Variants in UNC13C observed in about 807,000 individuals in gnomAD.
UNC13C encodes unc-13 homolog C.
A neutral mutation model predicts 245.4 loss-of-function variants in UNC13C; 174 were observed. The ratio of observed to expected loss-of-function variants is 0.71; its 90% CI spans 0.63 to 0.80. The LOEUF (loss-of-function observed/expected upper bound fraction) is 0.80. UNC13C is among the 30% of genes least tolerant of loss of function. The pLI, the probability that UNC13C is intolerant of heterozygous loss-of-function variation, is 0.00. For synonymous variants in UNC13C, 992 were observed against 895.1 expected (o/e 1.11, Z -1.93); for missense variants, 2,829 against 2,602.9 (o/e 1.09, Z -1.89).
intron 4 of UNC13C, among the ~76,000 whole-genome samples, chr15:54,191,948 A>G (rs2034198197): frequency 6.6e-6 from 1 of 152,096 alleles, no homozygotes; most frequent in South Asian, 2.1e-4. Flanking sequence ...TCTAGATATT[A>G]GCCCTTTGTC....
chr15:54,361,747 C>T (rs1215295960), intron 17 of UNC13C, among the ~76,000 whole-genome samples: 2 of 152,232 alleles, frequency 1.3e-5, no homozygotes, highest in African/African-American at 2.4e-5. Context: ...TGCTACCCTA[C>T]CTCTCTTTCC....
chr15:54,270,818 C>T (rs1309872058), intron 10 of UNC13C, among the ~76,000 whole-genome samples: 2 of 152,018 alleles, frequency 1.3e-5, no homozygotes, highest in Middle Eastern at 3.2e-3. Context: ...CAAAGTAGTG[C>T]CCTGTTGTGA....
chr15:54,492,739 C>G (rs1893776220), intron 19 of UNC13C, among the ~76,000 whole-genome samples: 1 of 152,124 alleles, frequency 6.6e-6, no homozygotes, highest in Non-Finnish European at 1.5e-5. Flanking sequence ...TAGTTTGCCC[C>G]TTCTCTTACC....
At chr15:54,538,606 C>A (rs1312398252) in intron 26 of UNC13C, among the ~76,000 whole-genome samples, 1 of 151,984 alleles carries the variant, frequency 6.6e-6, no homozygotes, top group African/African-American at 2.4e-5. Flanking sequence ...AATAGCCCAT[C>A]AATGGTAGAC....
intron 1 of UNC13C, among the ~76,000 whole-genome samples, chr15:54,004,068 A>G (rs1483140251): frequency 6.6e-6 from 1 of 152,152 alleles, no homozygotes; most frequent in Admixed American, 6.6e-5. Context: ...CTTACAGACT[A>G]TAGTCGCCGT....
intron 19 of UNC13C, among the ~76,000 whole-genome samples, chr15:54,481,737 G>A (rs1458146993): frequency 1.3e-5 from 2 of 152,078 alleles, no homozygotes; most frequent in Admixed American, 6.5e-5. Context: ...AGAATCCAGA[G>A]GACATGAAAA....
intron 8 of UNC13C, among the ~76,000 whole-genome samples, chr15:54,253,660 A>G (rs980833684): frequency 6.6e-6 from 1 of 152,184 alleles, no homozygotes; most frequent in Non-Finnish European, 1.5e-5. Context: ...GCAGGTTGTG[A>G]CCCTGAATTA....
chr15:54,050,632 T>G, intron 2 of UNC13C: 1 of 452,314 alleles, frequency 2.2e-6, no homozygotes, highest in Non-Finnish European at 4.4e-6. Context: ...TCAGAACTTA[T>G]GAGGACAAAG....
intron 19 of UNC13C, among the ~76,000 whole-genome samples, chr15:54,472,598 T>C (rs1892521611): frequency 6.6e-6 from 1 of 151,904 alleles, no homozygotes; most frequent in Admixed American, 6.6e-5. Flanking sequence ...ATTCTCTTCT[T>C]TTATTTGTCT....
Position 54,623,900 on chromosome 15 carries a change from G to C in UNC13C, c.6305G>C (p.Gly2102Ala), listed in dbSNP as rs1801182131. The C allele has an allele frequency of 1.7e-5, 27 of 1,613,088 alleles. No individual in the cohort carries two copies. The highest frequency in any genetic ancestry group is 2.3e-5 in the Non-Finnish European group (27 of 1,179,468). The change falls in exon 32 of 33, where the codon GGC becomes GCC. Residue 2102 changes from glycine to alanine, a missense_variant. By Grantham distance (60) the Gly-to-Ala change is moderately conservative. Transcript: ENST00000260323. ...PNLGDKKRKQ[G>A]TKTKSNTWSP... ...CTTGGAGACAAGAAGAGAAAACAAG[G>C]CACAAAAACAAAAAGCAACACATGG...
At chr15:53,893,995 G>T in the UNC13C span, among the ~76,000 whole-genome samples, 1 of 152,236 alleles carries the variant, frequency 6.6e-6, no homozygotes, top group Non-Finnish European at 1.5e-5. Flanking sequence ...GAATCTGCTG[G>T]TCTGTGGGTT....
intron 19 of UNC13C, among the ~76,000 whole-genome samples, chr15:54,418,067 C>T (rs1368246873): frequency 6.6e-6 from 1 of 151,968 alleles, no homozygotes; most frequent in African/African-American, 2.4e-5. Flanking sequence ...GTTTTCTAGT[C>T]CCTTCTATAT....
chr15:53,935,775 G>A, the UNC13C span, among the ~76,000 whole-genome samples: 1 of 152,084 alleles, frequency 6.6e-6, no homozygotes. Context: ...ACCCTGCCCA[G>A]GAAGCCACAC....
chr15:54,298,137 C>G (rs143848883), intron 12 of UNC13C, among the ~76,000 whole-genome samples: 35 of 152,140 alleles, frequency 2.3e-4, no homozygotes, highest in Middle Eastern at 3.4e-3. Flanking sequence ...GAGTTTAGAA[C>G]AAGCCTGTGA....
chr15:54,375,979 T>TCACAA (rs923925693), intron 17 of UNC13C, among the ~76,000 whole-genome samples: 10 of 152,350 alleles, frequency 6.6e-5, no homozygotes, highest in African/African-American at 2.2e-4. Flanking sequence ...CTTTTTTTAA[T>TCACAA]CACAATATTT....
chr15:54,548,117 T>C (rs1431175211), intron 27 of UNC13C, among the ~76,000 whole-genome samples: 1 of 151,940 alleles, frequency 6.6e-6, no homozygotes, highest in African/African-American at 2.4e-5. Flanking sequence ...GCAGGCTACC[T>C]TTTCCCGTCT....
At chr15:54,117,167 G>A (rs1305633449) in intron 2 of UNC13C, among the ~76,000 whole-genome samples, 3 of 151,978 alleles carry the variant, frequency 2.0e-5, no homozygotes, top group Non-Finnish European at 2.9e-5. Context: ...TATATATTCT[G>A]ATTATTAATT....
At chr15:54,060,599 C>T (rs1447100350) in intron 2 of UNC13C, among the ~76,000 whole-genome samples, 1 of 151,944 alleles carries the variant, frequency 6.6e-6, no homozygotes, top group Non-Finnish European at 1.5e-5. Flanking sequence ...ACCATTTGAC[C>T]CAGCCATCCC....
At chr15:54,071,756 C>A (rs1418757551) in intron 2 of UNC13C, among the ~76,000 whole-genome samples, 2 of 152,118 alleles carry the variant, frequency 1.3e-5, no homozygotes, top group East Asian at 3.8e-4. Context: ...AACAGTCATG[C>A]CCTTTTTCAC....
Sources: allele counts gnomAD v4.1 joint callset (sites outside exome capture counted in the v4.1 genomes callset), GRCh38; gene constraint gnomAD v4.1.1; transcripts MANE v1.5; gene names NCBI Gene and HGNC (gene_info 2026-07-23, HGNC 2026-07-21).